The following DAB1 variants were observed in gnomAD, a reference collection of about 807,000 sequenced individuals.
DAB1 encodes the protein disabled homolog 1.
A neutral mutation model predicts 64.6 loss-of-function variants in DAB1; 15 were observed. That is an observed-to-expected ratio of 0.23 (90% confidence interval 0.16 to 0.36). The LOEUF (loss-of-function observed/expected upper bound fraction) is 0.36, where lower values mean the gene tolerates loss of function less well. Among genes scored for constraint, DAB1 ranks in the 10% least tolerant of loss-of-function variants. DAB1 has a pLI of 1.00. For synonymous variants in DAB1, 235 were observed against 251.9 expected, an observed-to-expected ratio of 0.93 and a Z score of 0.64; for missense variants, 596 against 706.7, an observed-to-expected ratio of 0.84 and a Z score of 1.78.
At chr1:57,516,944 A>C (rs1644470145) in intron 7 of DAB1, among the ~76,000 whole-genome samples, 3 of 152,344 alleles carry the variant, frequency 2.0e-5, no homozygotes, top group Non-Finnish European at 4.4e-5. Flanking sequence ...AGCAAGATAA[A>C]TGAGAAATAG....
At chr1:57,576,369 T>A (rs1174419632) in intron 7 of DAB1, among the ~76,000 whole-genome samples, 2 of 152,160 alleles carry the variant, frequency 1.3e-5, no homozygotes, top group Non-Finnish European at 2.9e-5. Flanking sequence ...AAAAAGAAGC[T>A]GTACTTAAGT....
At chr1:57,222,721 C>G (rs531202228) in intron 2 of DAB1, among the ~76,000 whole-genome samples, 29 of 152,150 alleles carry the variant, frequency 1.9e-4, no homozygotes, top group Non-Finnish European at 3.2e-4. Context: ...AACATACATA[C>G]ACGAGACCCA....
At chr1:58,047,387 A>G (rs1478288938) in intron 5 of DAB1, among the ~76,000 whole-genome samples, 2 of 152,172 alleles carry the variant, frequency 1.3e-5, no homozygotes, top group East Asian at 3.8e-4. Context: ...GTGTGGTTGG[A>G]CAGTGTGGTG....
At chr1:57,167,375 C>G (rs4124453) in intron 2 of DAB1, among the ~76,000 whole-genome samples, 28,111 of 152,110 alleles carry the variant, frequency 0.18, 4,195 homozygotes, top group African/African-American at 0.41. Context: ...TTACTGCCCC[C>G]TCCTTCTTAG....
chr1:58,101,526 G>A (rs1317954311), intron 5 of DAB1, among the ~76,000 whole-genome samples: 2 of 152,200 alleles, frequency 1.3e-5, no homozygotes, highest in South Asian at 2.1e-4. Context: ...GGATGAGGGA[G>A]CCTGCTTGAT....
At chr1:58,155,321 A>G (rs1354605547) in intron 4 of DAB1, among the ~76,000 whole-genome samples, 1 of 152,254 alleles carries the variant, frequency 6.6e-6, no homozygotes, top group Non-Finnish European at 1.5e-5. Flanking sequence ...GTCTGAAGAC[A>G]GTCTTAATTG....
intron 4 of DAB1, among the ~76,000 whole-genome samples, chr1:58,327,834 A>AG (rs1243482138): frequency 6.6e-6 from 1 of 152,042 alleles, no homozygotes; most frequent in Admixed American, 6.6e-5. Context: ...TCACAGATGA[A>AG]GAAGAAATAA....
chr1:57,969,549 C>T (rs1256682969), intron 5 of DAB1, among the ~76,000 whole-genome samples: 4 of 152,130 alleles, frequency 2.6e-5, no homozygotes, highest in Admixed American at 1.3e-4. Flanking sequence ...CTATACTATT[C>T]ATTACAGCTT....
rs1658040056 is a variant in DAB1, at chr1:57,135,902, T to C, written c.306+641A>G. Among the ~76,000 whole-genome samples the C allele has an allele frequency of 3.3e-5, 5 of 152,294 alleles. No homozygotes were observed. The South Asian group carries it at 1.0e-3, about 32-fold the overall frequency. On this transcript the variant is annotated intron_variant, in intron 4 of 14. Coordinates refer to ENST00000371236, the MANE Select transcript of DAB1 (RefSeq NM_001365792.1). ...TCTTGTTCTCTTGGAAAACGGATCATAGAAGGTTTTTCTATTTTCCTCTTA... is the reference window on the plus strand; with the variant it reads ...TCTTGTTCTCTTGGAAAACGGATCACAGAAGGTTTTTCTATTTTCCTCTTA...
intron 3 of DAB1, among the ~76,000 whole-genome samples, chr1:58,349,003 G>C (rs543050223): frequency 2.6e-5 from 4 of 152,190 alleles, no homozygotes; most frequent in African/African-American, 9.7e-5. Context: ...CTTTGAGAGA[G>C]AAGAGTGTCT....
At chr1:57,621,329 G>A (rs1437265318) in intron 7 of DAB1, among the ~76,000 whole-genome samples, 1 of 151,142 alleles carries the variant, frequency 6.6e-6, no homozygotes, top group Non-Finnish European at 1.5e-5. Context: ...AATGATAAAA[G>A]GCCTTCCTTT....
intron 7 of DAB1, among the ~76,000 whole-genome samples, chr1:57,633,580 A>G (rs1363276496): frequency 6.6e-6 from 1 of 152,180 alleles, no homozygotes; most frequent in Non-Finnish European, 1.5e-5. Context: ...GGTGTCCCAT[A>G]TATTTTCTAA....
chr1:57,137,117 G>A (rs1246209220), intron 3 of DAB1, among the ~76,000 whole-genome samples: 1 of 152,002 alleles, frequency 6.6e-6, no homozygotes, highest in Non-Finnish European at 1.5e-5. Context: ...AAAAACAAAT[G>A]CTAGACTGTC....
intron 3 of DAB1, among the ~76,000 whole-genome samples, chr1:58,386,952 C>A (rs2100551848): frequency 6.6e-6 from 1 of 152,282 alleles, no homozygotes; most frequent in East Asian, 1.9e-4. Flanking sequence ...CCCAGCTACT[C>A]AGCAGGCTGA....
chr1:57,431,054 G>A (rs1171832137), intron 7 of DAB1, among the ~76,000 whole-genome samples: 2 of 150,422 alleles, frequency 1.3e-5, no homozygotes, highest in Non-Finnish European at 2.9e-5. Context: ...AAGGTAGCAT[G>A]TGAAGAGGAC....
chr1:57,236,242 G>A (rs529497350), intron 2 of DAB1, among the ~76,000 whole-genome samples: 1 of 152,322 alleles, frequency 6.6e-6, no homozygotes, highest in African/African-American at 2.4e-5. Context: ...TATTTAACAT[G>A]TAACTTTCAA....
chr1:58,171,208 C>T (rs1203713952), intron 4 of DAB1, among the ~76,000 whole-genome samples: 2 of 152,136 alleles, frequency 1.3e-5, no homozygotes, highest in African/African-American at 4.8e-5. Context: ...AGGGAATCAA[C>T]CCTGAAGTCT....
rs184369096 is a variant in DAB1, at chr1:58,211,930, T to C, written n.310-61342A>G. Among the ~76,000 whole-genome samples, 571 of 152,234 alleles carry C rather than the reference T, an allele frequency of 3.8e-3. 8 individuals carry two copies. Among genetic ancestry groups the C allele is most frequent in the African/African-American group, 0.013 (539 of 41,550 alleles). ...CCTTGGGGATGATCCACAAGGCCAA[T>C]ACAGGGAGTGCACAATCCTGGCATT... On this transcript the variant is annotated intron_variant and non_coding_transcript_variant, in intron 4 of 20. Coordinates refer to the DAB1 transcript ENST00000485760.
rs76609449 is a variant in DAB1, at chr1:57,926,946, T to A, written n.388-42784A>T. ...AGCATTCTGGATTCTAAATCCCCTA[T>A]AAGACATCTCCCTTCCTAGCAGCCT... is the stretch of plus-strand genomic sequence containing the variant. On this transcript the variant is annotated intron_variant and non_coding_transcript_variant, in intron 5 of 20. Transcript: ENST00000485760. Among the ~76,000 whole-genome samples, 13 of 152,334 alleles carry A rather than the reference T, an allele frequency of 8.5e-5. No homozygotes were observed. In the East Asian group the frequency reaches 1.7e-3, roughly 20 times the overall value.
Sources: allele counts gnomAD v4.1 joint callset (sites outside exome capture counted in the v4.1 genomes callset), GRCh38; gene constraint gnomAD v4.1.1; transcripts MANE v1.5; gene names NCBI Gene and HGNC (gene_info 2026-07-23, HGNC 2026-07-21).